Variants in B3GAT1 observed in about 807,000 individuals in gnomAD.
B3GAT1 encodes galactosylgalactosylxylosylprotein 3-beta-glucuronosyltransferase 1.
A neutral mutation model predicts 28.4 loss-of-function variants in B3GAT1; 11 were observed. The ratio of observed to expected loss-of-function variants is 0.39; its 90% CI spans 0.24 to 0.64. B3GAT1 has a LOEUF of 0.64. B3GAT1 is among the 30% of genes least tolerant of loss of function. The pLI is 0.50. For missense variants in B3GAT1, 375 were observed against 491.0 expected (o/e 0.76, Z 2.23); for synonymous variants, 255 against 223.1 (o/e 1.14, Z -1.27).
chr11:134,396,818 G>A (rs1275422484), intron 1 of B3GAT1, among the ~76,000 whole-genome samples: 2 of 152,160 alleles, frequency 1.3e-5, no homozygotes, highest in African/African-American at 2.4e-5. Flanking sequence ...AAAGCCCCAC[G>A]TCACCTCCAA....
rs1474037492 is a variant in B3GAT1, at chr11:134,412,140, G to T, written c.-615C>A. ...GGGAGGGGGAGCGGGGAGCGGGCGC[G>T]GGGGCGAGAGGGGCGAGGGGGGCGC... On this transcript the variant is annotated 5_prime_UTR_variant, in exon 1 of 6. Coordinates refer to ENST00000312527, the MANE Select transcript of B3GAT1 (RefSeq NM_054025.3). Among the ~76,000 whole-genome samples, 4 of 144,418 alleles carry T rather than the reference G, an allele frequency of 2.8e-5. No individual in the cohort carries two copies. Among genetic ancestry groups the T allele is most frequent in the South Asian group, 2.1e-4 (1 of 4,740 alleles). 94.7% of individuals were successfully genotyped at this position (144,418 alleles called of 152,430 possible).
intron 1 of B3GAT1, among the ~76,000 whole-genome samples, chr11:134,405,389 C>A (rs988686641): frequency 1.3e-5 from 2 of 152,222 alleles, no homozygotes; most frequent in African/African-American, 2.4e-5. Context: ...GGTCACCCGC[C>A]TGGTGAGGTC....
chr11:134,384,282 C>A (rs1944222218), intron 2 of B3GAT1, 94 bp from the exon 3 acceptor site: 1 of 1,417,162 alleles, frequency 7.1e-7, no homozygotes. Flanking sequence ...AGGGCACCCT[C>A]CTCCTCCCCC....
In B3GAT1 at chr11:134,412,108, G is replaced by GGAGCGGGGAGGGGGGAGGT. The variant is rs1555100168; in HGVS notation, c.-584_-583insACCTCCCCCCTCCCCGCTC. The stretch of plus-strand genomic sequence containing the variant: ...AGGCGGGGGGCGGGGGGCGGGGAGG[G>GGAGCGGGGAGGGGGGAGGT]GGAGCGGGGAGGGGGAGCGGGGAGC... On this transcript the variant is annotated 5_prime_UTR_variant, in exon 1 of 6. Transcript: ENST00000312527. Among the ~76,000 whole-genome samples, 45 of 107,662 alleles carry GGAGCGGGGAGGGGGGAGGT rather than the reference G, an allele frequency of 4.2e-4. No individual in the cohort carries two copies. Among genetic ancestry groups the GGAGCGGGGAGGGGGGAGGT allele is most frequent in the African/African-American group, 1.3e-3 (38 of 29,320 alleles). The allele number at this position is 107,662 out of a possible 152,430, so 70.6% of individuals were successfully genotyped here.
intron 1 of B3GAT1, among the ~76,000 whole-genome samples, chr11:134,405,154 G>A (rs1944707176): frequency 1.3e-5 from 2 of 152,318 alleles, no homozygotes; most frequent in African/African-American, 2.4e-5. Context: ...CCACGGGGGT[G>A]GCATTTGCCA....
At chr11:134,384,479 G>A (rs1043057552) in intron 2 of B3GAT1, 3 of 450,152 alleles carry the variant, frequency 6.7e-6, no homozygotes, top group Non-Finnish European at 7.8e-6. Flanking sequence ...TGCATCCTCA[G>A]TTCCTGAATG....
chr11:134,379,168 C>G lies in B3GAT1; in HGVS notation c.*1594G>C, dbSNP rs1944072538. Reference sequence around the variant, plus strand: ...TCATGAATACTGTGGGAGATTAAATCCATCTCAAAATAGGCAACCAATGCT... The same window carrying G: ...TCATGAATACTGTGGGAGATTAAATGCATCTCAAAATAGGCAACCAATGCT... On this transcript the variant is annotated 3_prime_UTR_variant, in exon 6 of 6. Transcript: ENST00000312527. 1 of 152,180 alleles carries G rather than the reference C, an allele frequency of 6.6e-6. No individual in the cohort carries two copies. The highest frequency in any genetic ancestry group is 2.1e-4 in the South Asian group (1 of 4,816). The allele number at this position is 152,180 out of a possible 1,614,324, so 9.4% of individuals were successfully genotyped here.
At chr11:134,404,900 C>CTTCA (rs1395875077) in intron 1 of B3GAT1, among the ~76,000 whole-genome samples, 2 of 152,250 alleles carry the variant, frequency 1.3e-5, no homozygotes, top group African/African-American at 2.4e-5. Flanking sequence ...GGAGGCTGTA[C>CTTCA]TTCAGCCCAG....
Position 134,396,898 on chromosome 11 carries a change from C to T in B3GAT1, c.-281-8958G>A, listed in dbSNP as rs116712713. Among the ~76,000 whole-genome samples the T allele has an allele frequency of 5.3e-3, 804 of 152,314 alleles. 9 individuals are homozygous for T. The highest frequency in any genetic ancestry group is 0.018 in the African/African-American group (764 of 41,554). On this transcript the variant is annotated intron_variant, in intron 1 of 5. Transcript: ENST00000312527. ...GAAAACACCAGCACGAGGCCCCTGA[C>T]GGCGTCCTTTGATTTCCCTTGGCCT...
chr11:134,397,953 T>C (rs369601418), intron 1 of B3GAT1, among the ~76,000 whole-genome samples: 105 of 152,206 alleles, frequency 6.9e-4, no homozygotes, highest in East Asian at 7.8e-4. Flanking sequence ...GGCTGATGAT[T>C]TGGGGAGACG....
At chr11:134,403,981 C>A (rs926808238) in intron 1 of B3GAT1, among the ~76,000 whole-genome samples, 323 of 31,162 alleles carry the variant, frequency 0.01, 20 homozygotes, top group African/African-American at 0.045. Flanking sequence ...GAGTTTCTTT[C>A]TTTATATATA....
chr11:134,397,910 G>C (rs917906348), intron 1 of B3GAT1, among the ~76,000 whole-genome samples: 1 of 152,152 alleles, frequency 6.6e-6, no homozygotes, highest in African/African-American at 2.4e-5. Context: ...TTTGGTCCCG[G>C]TGTCCCCTCC....
In B3GAT1 at chr11:134,382,807, T is replaced by G. The variant is rs767755219; in HGVS notation, c.821A>C (p.Lys274Thr). Residue 274 changes from lysine (K) to threonine (T), a missense_variant, in exon 4 of 6, where the codon AAG becomes ACG. Transcript: ENST00000312527. ...GTAGCCTCCCTTCACACCTCGCAGC[T>G]TGAAGTAGGCCTGGCTTCGCTGCAG... ...LILQRSQAYF[K>T]LRGVKGGYQE... The G allele has an allele frequency of 6.2e-7, 1 of 1,614,096 alleles. No individual in the cohort carries two copies. Among genetic ancestry groups the G allele is most frequent in the Admixed American group, 1.7e-5 (1 of 60,006 alleles).
intron 4 of B3GAT1, 142 bp downstream of exon 4, chr11:134,382,568 G>A: frequency 2.9e-6 from 3 of 1,023,402 alleles, no homozygotes; most frequent in Non-Finnish European, 4.2e-6. Context: ...TGCCTTACAG[G>A]TGATACACTG....
At chr11:134,404,039 C>T (rs142398909) in intron 1 of B3GAT1, among the ~76,000 whole-genome samples, 6,334 of 100,712 alleles carry the variant, frequency 0.063, 323 homozygotes, top group East Asian at 0.1. Context: ...ATTTATTATA[C>T]GTTAAGTTCT....
chr11:134,382,671 A>G (rs1186663995), intron 4 of B3GAT1, 39 bp downstream of exon 4: 2 of 1,590,248 alleles, frequency 1.3e-6, no homozygotes, highest in Non-Finnish European at 1.7e-6. Flanking sequence ...TGTACTTGAG[A>G]CATTGCATCA....
intron 1 of B3GAT1, chr11:134,391,682 G>A (rs137895654): frequency 0.014 from 2,165 of 153,112 alleles, 26 homozygotes; most frequent in Non-Finnish European, 0.022. Context: ...GGGGGACTTC[G>A]TGGAGAGGCA....
At chr11:134,389,981 C>T (rs1944375907) in intron 1 of B3GAT1, 1 of 152,286 alleles carries the variant, frequency 6.6e-6, no homozygotes, top group African/African-American at 2.4e-5. Context: ...GGCCGGCATC[C>T]CCTGCCCACA....
intron 1 of B3GAT1, among the ~76,000 whole-genome samples, chr11:134,402,080 G>A (rs1238676315): frequency 6.6e-6 from 1 of 152,108 alleles, no homozygotes; most frequent in African/African-American, 2.4e-5. Flanking sequence ...CTGCACAGGT[G>A]GACCAGGCGA....
Sources: allele counts gnomAD v4.1 joint callset (sites outside exome capture counted in the v4.1 genomes callset), GRCh38; gene constraint gnomAD v4.1.1; transcripts MANE v1.5; gene names NCBI Gene and HGNC (gene_info 2026-07-23, HGNC 2026-07-21).